The following AGR2 variants were observed in gnomAD, a reference collection of about 807,000 sequenced individuals.
AGR2 encodes anterior gradient protein 2 homolog.
A neutral mutation model predicts 25.9 loss-of-function variants in AGR2; 27 were observed. That is an observed-to-expected ratio of 1.04 (90% CI 0.77 to 1.44). The LOEUF (loss-of-function observed/expected upper bound fraction) is 1.44, where lower values mean the gene tolerates loss of function less well. Ranked by LOEUF, AGR2 falls within the 40% of genes most tolerant of loss-of-function variation. AGR2 has a pLI of 0.00. For synonymous variants in AGR2, 78 were observed against 72.0 expected (o/e 1.08, Z -0.42); for missense variants, 182 against 200.9 (o/e 0.91, Z 0.57).
At chr7:16,799,841 A>G in intron 4 of AGR2, 24 bp from the exon 5 acceptor site, 1 of 1,505,542 alleles carries the variant, frequency 6.6e-7, no homozygotes, top group East Asian at 2.3e-5. Flanking sequence ...AAAAATCATT[A>G]AGCATCCATC....
intron 4 of AGR2, 34 bp from the exon 5 acceptor site, chr7:16,799,851 C>CTTAG (rs1282909090): frequency 7.1e-7 from 1 of 1,413,150 alleles, no homozygotes; most frequent in Non-Finnish European, 9.9e-7. Context: ...AAGCATCCAT[C>CTTAG]TTAGCATTGG....
At chr7:16,797,531 A>G in intron 6 of AGR2, 100 bp downstream of exon 6, 3 of 933,304 alleles carry the variant, frequency 3.2e-6, no homozygotes, top group Non-Finnish European at 5.0e-6. Flanking sequence ...TAGTGATGAC[A>G]TTGGCCATGG....
chr7:16,801,896 A>ATTTTTTTGTTC (rs1420396388), intron 1 of AGR2, 93 bp from the exon 2 acceptor site: 1 of 1,087,608 alleles, frequency 9.2e-7, no homozygotes. Flanking sequence ...AATATACCAG[A>ATTTTTTTGTTC]AACTGAGGCT....
Position 16,794,866 on chromosome 7 carries a change from CTAGTCCCATCACTACAGCAA to C in AGR2, c.478+50_478+69del. ...TCTCTCTCACCTCACCATGCAGCCT[CTAGTCCCATCACTACAGCAA>C]TAGAGGTGTTCAACTCTTGGGCAAC... On this transcript the variant is annotated intron_variant, in intron 7 of 7. Transcript: ENST00000419304. 3 of 1,607,484 alleles carry C rather than the reference CTAGTCCCATCACTACAGCAA, an allele frequency of 1.9e-6. No individual in the cohort carries two copies. The Middle Eastern group carries it at 5.0e-4, about 265-fold the overall frequency.
At chr7:16,794,886 A>G (rs1184286582) in intron 7 of AGR2, 50 bp downstream of exon 7, 16 of 1,612,708 alleles carry the variant, frequency 9.9e-6, no homozygotes, top group Non-Finnish European at 1.4e-5. Flanking sequence ...CACTACAGCA[A>G]TAGAGGTGTT....
Position 16,797,750 on chromosome 7 carries a change from A to C in AGR2, c.331-56T>G. ...TACTTTGACTTTTCAGTCGTTTTCAAACTTGTTAATACAAGAATCTGTCCA... is the reference window on the plus strand; with the variant it reads ...TACTTTGACTTTTCAGTCGTTTTCACACTTGTTAATACAAGAATCTGTCCA... On this transcript the variant is annotated intron_variant, in intron 5 of 7. Transcript: ENST00000419304. 6 of 1,463,342 alleles carry C rather than the reference A, an allele frequency of 4.1e-6. No homozygotes were observed. In the South Asian group the frequency reaches 7.1e-5, roughly 17 times the overall value. The allele number at this position is 1,463,342 out of a possible 1,614,324, so 90.6% of individuals were successfully genotyped here.
intron 5 of AGR2, 109 bp from the exon 6 acceptor site, chr7:16,797,803 T>TA: frequency 1.3e-6 from 1 of 788,260 alleles, no homozygotes; most frequent in Non-Finnish European, 2.1e-6. Context: ...CAAGATATCA[T>TA]AACTCTTCCA....
At chr7:16,801,031 A>G (rs2115359094) in intron 4 of AGR2, 120 bp downstream of exon 4, 1 of 677,330 alleles carries the variant, frequency 1.5e-6, no homozygotes, top group Non-Finnish European at 2.4e-6. Context: ...TGTTTTTACT[A>G]TATAAAATAT....
intron 7 of AGR2, among the ~76,000 whole-genome samples, chr7:16,794,148 C>G (rs984909440): frequency 1.3e-5 from 2 of 152,194 alleles, no homozygotes; most frequent in African/African-American, 4.8e-5. Flanking sequence ...CAGCACTGGC[C>G]AATAGAAATT....
At chr7:16,802,695 C>A (rs1011414505) in intron 1 of AGR2, among the ~76,000 whole-genome samples, 1 of 151,336 alleles carries the variant, frequency 6.6e-6, no homozygotes, top group Non-Finnish European at 1.5e-5. Flanking sequence ...TCTATTGATC[C>A]ACATAGATAA....
At chr7:16,795,632 T>G (rs1785032979) in intron 6 of AGR2, among the ~76,000 whole-genome samples, 1 of 152,176 alleles carries the variant, frequency 6.6e-6, no homozygotes, top group African/African-American at 2.4e-5. Flanking sequence ...CTTGCCATGT[T>G]TTGTATTTAA....
In AGR2 at chr7:16,797,656, C is replaced by G. The variant is rs770354819; in HGVS notation, c.369G>C (p.Gln123His). 2 of 1,614,002 alleles carry G rather than the reference C, an allele frequency of 1.2e-6. No homozygotes were observed. The highest frequency in any genetic ancestry group is 1.7e-6 in the Non-Finnish European group (2 of 1,179,948). ...CAACAAACATAATCCTGGGGACATA[C>G]TGGCCATCAGGAGAAAGGTGTTTGT... ...TTDKHLSPDG[Q>H]YVPRIMFVDP... is the part of the protein sequence containing the mutation. Residue 123 changes from glutamine to histidine, a missense_variant, in exon 6 of 8, where the codon CAG becomes CAC. Transcript: ENST00000419304.
intron 5 of AGR2, among the ~76,000 whole-genome samples, chr7:16,799,160 T>C (rs909877913): frequency 1.2e-4 from 18 of 152,144 alleles, no homozygotes; most frequent in Admixed American, 7.2e-4. Context: ...AAGTGGTCTT[T>C]AAGGAAGCCA....
intron 7 of AGR2, chr7:16,794,576 T>G: frequency 4.6e-6 from 2 of 433,834 alleles, no homozygotes; most frequent in Admixed American, 4.0e-5. Context: ...CTTTTGTTAT[T>G]TAAAAAATTA....
chr7:16,800,492 G>T (rs1253608278), intron 4 of AGR2, among the ~76,000 whole-genome samples: 1 of 152,216 alleles, frequency 6.6e-6, no homozygotes, highest in Non-Finnish European at 1.5e-5. Context: ...CTCATAGGTT[G>T]TGATCAGAAA....
chr7:16,800,294 G>A lies in AGR2; in HGVS notation c.257-477C>T, dbSNP rs555486712. On this transcript the variant is annotated intron_variant, in intron 4 of 7. Coordinates refer to ENST00000419304, the MANE Select transcript of AGR2 (RefSeq NM_006408.4). ...CAGATCTTCCTGAGGAGCTAACGTT[G>A]AAGTGAGGGAGTGGTCCATTTTGGG... Among the ~76,000 whole-genome samples the A allele has an allele frequency of 3.3e-5, 5 of 152,364 alleles. No homozygotes were observed. In the South Asian group the frequency reaches 1.0e-3, roughly 32 times the overall value.
chr7:16,801,423 A>C (rs763055408), intron 2 of AGR2, 40 bp from the exon 3 acceptor site: 1 of 1,582,184 alleles, frequency 6.3e-7, no homozygotes, highest in Non-Finnish European at 8.7e-7. Context: ...GCTTGTATAA[A>C]TTCAGACCCA....
At chr7:16,802,863 C>T (rs1450155896) in intron 1 of AGR2, among the ~76,000 whole-genome samples, 1 of 152,116 alleles carries the variant, frequency 6.6e-6, no homozygotes, top group Non-Finnish European at 1.5e-5. Context: ...GACAAGGGCT[C>T]ACTGTGTTGC....
Position 16,792,955 on chromosome 7 carries a change from G to T in AGR2, c.481C>A (p.Leu161Ile), listed in dbSNP as rs1784986914. The T allele has an allele frequency of 6.2e-7, 1 of 1,613,744 alleles. No individual in the cohort carries two copies. Among genetic ancestry groups the T allele is most frequent in the South Asian group, 1.1e-5 (1 of 91,076 alleles). The change falls in exon 8 of 8, where the codon CTT (leucine) becomes ATT (isoleucine). Residue 161 changes from leucine (L) to isoleucine (I), a missense_variant and splice_region_variant. Physicochemically the swap from Leu to Ile is conservative, Grantham distance 5 (BLOSUM62 2). Coordinates refer to ENST00000419304, the MANE Select transcript of AGR2 (RefSeq NM_006408.4). ...TTGAGAGCTTTCTTCATGTTGTCAA[G>T]CACTAATGGGGGATAAAAGCAGGAG... The part of the protein sequence containing the change: ...AYEPADTALL[L>I]DNMKKALKLL...
Sources: allele counts gnomAD v4.1 joint callset (sites outside exome capture counted in the v4.1 genomes callset), GRCh38; gene constraint gnomAD v4.1.1; transcripts MANE v1.5; gene names NCBI Gene and HGNC (gene_info 2026-07-23, HGNC 2026-07-21).